Variants in GRIA2 observed in about 807,000 individuals in gnomAD.
GRIA2 encodes glutamate ionotropic receptor AMPA type subunit 2.
A neutral mutation model predicts 97.3 loss-of-function variants in GRIA2; 14 were observed. The ratio of observed to expected loss-of-function variants is 0.14; its 90% CI spans 0.10 to 0.23. The LOEUF (loss-of-function observed/expected upper bound fraction) is 0.23, where lower values mean the gene tolerates loss of function less well. Among genes scored for constraint, GRIA2 ranks in the 10% least tolerant of loss-of-function variants. The pLI is 1.00. For missense variants in GRIA2, 558 were observed against 1,069.8 expected (o/e 0.52, Z 6.67); for synonymous variants, 412 against 387.8 (o/e 1.06, Z -0.73).
chr4:157,324,439 A>G (rs1042356375), intron 6 of GRIA2, among the ~76,000 whole-genome samples: 1 of 152,196 alleles, frequency 6.6e-6, no homozygotes, highest in African/African-American at 2.4e-5. Flanking sequence ...AATATAATAG[A>G]CTGATAAAAT....
chr4:157,252,717 A>G (rs1358541122), intron 2 of GRIA2, among the ~76,000 whole-genome samples: 1 of 152,126 alleles, frequency 6.6e-6, no homozygotes, highest in African/African-American at 2.4e-5. Context: ...AGACCAGTGG[A>G]TTTTTAATGG....
intron 4 of GRIA2, among the ~76,000 whole-genome samples, chr4:157,316,443 G>A (rs1465911047): frequency 6.6e-6 from 1 of 152,094 alleles, no homozygotes; most frequent in African/African-American, 2.4e-5. Flanking sequence ...TTAACTAATA[G>A]CATTGCTCTG....
At chr4:157,333,889 A>G (rs1579371680) in intron 8 of GRIA2, 121 bp from the exon 9 acceptor site, 3 of 603,614 alleles carry the variant, frequency 5.0e-6, no homozygotes, top group Non-Finnish European at 9.1e-6. Context: ...ATTTCTATTT[A>G]GAACAAGTCC....
intron 2 of GRIA2, among the ~76,000 whole-genome samples, chr4:157,286,907 T>G (rs1231420053): frequency 2.0e-5 from 3 of 151,682 alleles, no homozygotes; most frequent in African/African-American, 7.2e-5. Context: ...TCTGTTTTCC[T>G]GGATAAACAG....
At chr4:157,321,164 G>A (rs1402306769) in intron 5 of GRIA2, among the ~76,000 whole-genome samples, 2 of 152,122 alleles carry the variant, frequency 1.3e-5, no homozygotes, top group African/African-American at 4.8e-5. Flanking sequence ...TCAATAGAGT[G>A]GAGAACATTT....
chr4:157,365,731 G>C lies in GRIA2; in HGVS notation c.*2300G>C, dbSNP rs1003936660. 2 of 151,878 alleles carry C rather than the reference G, an allele frequency of 1.3e-5. No homozygotes were observed. Among genetic ancestry groups the C allele is most frequent in the Non-Finnish European group, 3.0e-5 (2 of 67,546 alleles). 9.4% of individuals were successfully genotyped at this position (151,878 alleles called of 1,614,324 possible). ...AAGTGAAAAGTGGTCAAACAAGAGT[G>C]ATGACAGCTGTCTAAAGGTTTTTTT... On this transcript the variant is annotated 3_prime_UTR_variant, in exon 16 of 16. Transcript: ENST00000264426.
chr4:157,310,980 C>T (rs1229892871), intron 3 of GRIA2, among the ~76,000 whole-genome samples: 1 of 151,956 alleles, frequency 6.6e-6, no homozygotes, highest in East Asian at 1.9e-4. Context: ...CATTTGGAGA[C>T]ATATCTCTGT....
chr4:157,251,853 T>G (rs1399943435), intron 2 of GRIA2, among the ~76,000 whole-genome samples: 1 of 152,164 alleles, frequency 6.6e-6, no homozygotes, highest in Non-Finnish European at 1.5e-5. Context: ...AGAAGCCTTA[T>G]AGACTAGTCT....
At chr4:157,263,067 A>G (rs940037548) in intron 2 of GRIA2, among the ~76,000 whole-genome samples, 2 of 152,116 alleles carry the variant, frequency 1.3e-5, no homozygotes, top group East Asian at 1.9e-4. Flanking sequence ...AAATTTGTCA[A>G]GGTAAGCTAC....
chr4:157,263,238 T>G (rs749687745), intron 2 of GRIA2, among the ~76,000 whole-genome samples: 2 of 152,116 alleles, frequency 1.3e-5, no homozygotes, highest in Non-Finnish European at 2.9e-5. Context: ...TCCTGTTTTC[T>G]TTTCTCATTC....
At chr4:157,343,330 GC>G (rs1425886850) in intron 12 of GRIA2, among the ~76,000 whole-genome samples, 1 of 152,000 alleles carries the variant, frequency 6.6e-6, no homozygotes, top group Non-Finnish European at 1.5e-5. Flanking sequence ...TGATATCTGT[GC>G]ATTATTAAAC....
In GRIA2 at chr4:157,332,915, G is replaced by A. The variant is rs772405015; in HGVS notation, c.979G>A (p.Ala327Thr). ...AATTGAAATCTCCCGAAGGGGGAATGCAGGAGACTGTCTGGCAAACCCAGC... is the reference window on the plus strand; with the variant it reads ...AATTGAAATCTCCCGAAGGGGGAATACAGGAGACTGTCTGGCAAACCCAGC... ...QRIEISRRGN[A>T]GDCLANPAVP... The change falls in exon 7 of 16, where the codon GCA (alanine) becomes ACA (threonine). Residue 327 changes from alanine to threonine, a missense_variant. Ala to Thr is a moderately conservative substitution (Grantham distance 58, BLOSUM62 0). This residue lies in a region of GRIA2 where 66 missense variants were observed against 118.7 expected (regional missense o/e 0.56). Coordinates refer to ENST00000264426, the MANE Select transcript of GRIA2 (RefSeq NM_001083619.3). 1.2e-6 allele frequency: 2 copies of A among 1,612,622 alleles called. No individual in the cohort carries two copies. Among genetic ancestry groups the A allele is most frequent in the Non-Finnish European group, 1.7e-6 (2 of 1,178,990 alleles).
rs542821040 is a variant in GRIA2, at chr4:157,220,901, A to G, written c.-142A>G. ...GGGAAATAGGGATTCTTCTGCCTCC[A>G]CTTCAGGTTTTAGCAGCTTGGTGCT... On this transcript the variant is annotated 5_prime_UTR_variant, in exon 1 of 16. Transcript: ENST00000264426. 1.7e-4 allele frequency: 109 copies of G among 640,118 alleles called. No homozygotes were observed. Among genetic ancestry groups the G allele is most frequent in the Non-Finnish European group, 2.8e-4 (98 of 353,784 alleles). 39.7% of individuals were successfully genotyped at this position (640,118 alleles called of 1,614,324 possible).
rs756425327 is a variant in GRIA2, at chr4:157,303,795, A to G, written c.469+4A>G. On this transcript the variant is annotated splice_donor_region_variant and intron_variant, in intron 3 of 15. Transcript: ENST00000264426. ...TACCTCTATGACAGTGACAGAGGTA[A>G]GTGACAGTATCTCATCTCTTTGTAA... 6.2e-7 allele frequency: 1 copy of G among 1,612,982 alleles called. No homozygotes were observed. Among genetic ancestry groups the G allele is most frequent in the South Asian group, 1.1e-5 (1 of 91,066 alleles).
At chr4:157,276,415 CAT>C (rs758721625) in intron 2 of GRIA2, among the ~76,000 whole-genome samples, 16 of 151,872 alleles carry the variant, frequency 1.1e-4, no homozygotes, top group Non-Finnish European at 2.1e-4. Context: ...ATTGAATACA[CAT>C]GTTAGAAAAG....
At chr4:157,296,859 C>T (rs143535034) in intron 2 of GRIA2, among the ~76,000 whole-genome samples, 208 of 152,262 alleles carry the variant, frequency 1.4e-3, no homozygotes, top group African/African-American at 4.7e-3. Context: ...GTAAATGGCA[C>T]TTCATTCTCT....
intron 2 of GRIA2, among the ~76,000 whole-genome samples, chr4:157,288,398 T>A (rs916672886): frequency 4.6e-5 from 7 of 151,712 alleles, no homozygotes; most frequent in Non-Finnish European, 7.4e-5. Context: ...TAACTTTATT[T>A]TTTTAGGCCT....
intron 3 of GRIA2, among the ~76,000 whole-genome samples, chr4:157,306,657 C>CACAA: frequency 6.6e-6 from 1 of 152,130 alleles, no homozygotes; most frequent in African/African-American, 2.4e-5. Context: ...TCTCATAATA[C>CACAA]TGGCAAAAGA....
intron 2 of GRIA2, among the ~76,000 whole-genome samples, chr4:157,236,193 T>C (rs949340356): frequency 5.3e-5 from 8 of 152,062 alleles, no homozygotes. Flanking sequence ...AATTTTAATT[T>C]AGCTTCTTGT....
Sources: gnomAD v4.1 joint callset for allele counts (sites outside exome capture counted in the v4.1 genomes callset) on GRCh38, gnomAD v4.1.1 for gene constraint, gnomAD v4.1.1 regional missense constraint, MANE v1.5 for transcripts, NCBI Gene and HGNC (gene_info 2026-07-23, HGNC 2026-07-21) for gene names.